Variants in MYO5B observed in about 807,000 individuals in gnomAD.
MYO5B encodes unconventional myosin-Vb.
In MYO5B, 143 loss-of-function variants were observed where a neutral mutation model predicts 229.3. The ratio of observed to expected loss-of-function variants is 0.62; its 90% CI spans 0.54 to 0.72. The LOEUF (loss-of-function observed/expected upper bound fraction) is 0.72, where lower values mean the gene tolerates loss of function less well. MYO5B is among the 30% of genes least tolerant of loss of function. MYO5B has a pLI of 0.00. For synonymous variants in MYO5B, 918 were observed against 885.2 expected (o/e 1.04, Z -0.66); for missense variants, 2,321 against 2,331.0 (o/e 1.00, Z 0.09).
At chr18:50,162,922 C>T (rs11082806) in intron 1 of MYO5B, among the ~76,000 whole-genome samples, 1 of 152,118 alleles carries the variant, frequency 6.6e-6, no homozygotes, top group Admixed American at 6.5e-5. Flanking sequence ...CCAAGCTACT[C>T]GGAGCCACAC....
At chr18:50,109,775 A>C (rs1183661187) in intron 1 of MYO5B, among the ~76,000 whole-genome samples, 4 of 152,176 alleles carry the variant, frequency 2.6e-5, no homozygotes, top group Non-Finnish European at 5.9e-5. Flanking sequence ...AGGCACCCTC[A>C]TCCGGCCAAC....
chr18:50,022,596 G>T (rs1423014373), intron 4 of MYO5B, among the ~76,000 whole-genome samples: 3 of 152,162 alleles, frequency 2.0e-5, no homozygotes, highest in Non-Finnish European at 2.9e-5. Flanking sequence ...CATGATAATT[G>T]TCTTGAAATC....
At chr18:49,935,430 T>A (rs1568037146) in intron 16 of MYO5B, among the ~76,000 whole-genome samples, 1 of 107,306 alleles carries the variant, frequency 9.3e-6, no homozygotes, top group Non-Finnish European at 2.2e-5. Context: ...CACAGCAGGT[T>A]AGAGAGAACT....
intron 4 of MYO5B, among the ~76,000 whole-genome samples, chr18:50,025,891 T>G (rs796112280): frequency 2.0e-5 from 3 of 152,206 alleles, no homozygotes; most frequent in Non-Finnish European, 2.9e-5. Flanking sequence ...ACTTTTGACA[T>G]GCATCCCTAT....
chr18:49,840,546 C>T (rs1042583841), intron 35 of MYO5B: 11 of 152,206 alleles, frequency 7.2e-5, no homozygotes, highest in African/African-American at 2.4e-4. Flanking sequence ...TTGGTTTACA[C>T]TATGTCTTGA....
At chr18:50,042,521 C>A (rs2030050629) in intron 2 of MYO5B, among the ~76,000 whole-genome samples, 1 of 152,028 alleles carries the variant, frequency 6.6e-6, no homozygotes, top group Non-Finnish European at 1.5e-5. Flanking sequence ...TACAGGAAAC[C>A]AGTGAACAAT....
intron 1 of MYO5B, among the ~76,000 whole-genome samples, chr18:50,137,198 A>G (rs2032349906): frequency 6.6e-6 from 1 of 152,242 alleles, no homozygotes. Flanking sequence ...AGACCTGCAT[A>G]CCAACGAGGC....
intron 8 of MYO5B, among the ~76,000 whole-genome samples, chr18:49,984,018 G>A (rs775802600): frequency 7.9e-5 from 12 of 152,216 alleles, no homozygotes; most frequent in Non-Finnish European, 1.0e-4. Context: ...GCCACTTGGG[G>A]TTTCAGGCTG....
At position 49,982,088 on chromosome 18, in the gene MYO5B, A is replaced by AT. The variant is rs1249628626; in HGVS notation, c.947-1536dup. 2.0e-5 allele frequency among the ~76,000 whole-genome samples: 3 copies of AT among 152,074 alleles called. No individual in the cohort carries two copies. The South Asian group carries it at 6.2e-4, about 32-fold the overall frequency. ...AGTAGCTTTTCTACTTCGTTTATCT[A>AT]TTTTTTTGAGAGAGGGTCTTGCTCT... On this transcript the variant is annotated intron_variant, in intron 8 of 39. Transcript: ENST00000285039.
intron 8 of MYO5B, among the ~76,000 whole-genome samples, chr18:49,983,169 A>C (rs1319563762): frequency 1.3e-5 from 2 of 152,156 alleles, no homozygotes; most frequent in Non-Finnish European, 2.9e-5. Context: ...TATCAAACTG[A>C]AGCTGGGCCC....
At chr18:49,944,041 A>C (rs2025344628) in intron 14 of MYO5B, among the ~76,000 whole-genome samples, 1 of 152,198 alleles carries the variant, frequency 6.6e-6, no homozygotes, top group African/African-American at 2.4e-5. Flanking sequence ...AGGAAGCAAG[A>C]GGGACTAGCT....
At chr18:50,062,052 C>T (rs1350697568) in intron 1 of MYO5B, among the ~76,000 whole-genome samples, 1 of 152,130 alleles carries the variant, frequency 6.6e-6, no homozygotes, top group African/African-American at 2.4e-5. Context: ...ATCTCAGTCT[C>T]TAAGTCCTCC....
chr18:49,982,970 C>A (rs2025832350), intron 8 of MYO5B, among the ~76,000 whole-genome samples: 1 of 152,332 alleles, frequency 6.6e-6, no homozygotes, highest in South Asian at 2.1e-4. Flanking sequence ...ATCAGCACTA[C>A]AAGGGCAGCT....
chr18:50,194,719 G>A (rs1181011374), intron 1 of MYO5B, 48 bp downstream of exon 1: 3 of 1,367,146 alleles, frequency 2.2e-6, no homozygotes, highest in Non-Finnish European at 3.0e-6. Flanking sequence ...AGGTGGCCCC[G>A]AGCGCGCCAC....
intron 7 of MYO5B, among the ~76,000 whole-genome samples, chr18:49,990,131 T>A (rs1301517150): frequency 2.0e-5 from 3 of 152,236 alleles, no homozygotes; most frequent in Non-Finnish European, 4.4e-5. Flanking sequence ...ACATTTCCTA[T>A]GATGCTTAAA....
At chr18:50,194,550 C>T (rs1293571318) in intron 1 of MYO5B, among the ~76,000 whole-genome samples, 4 of 152,188 alleles carry the variant, frequency 2.6e-5, no homozygotes, top group Non-Finnish European at 5.9e-5. Flanking sequence ...CTCTAGGAGC[C>T]GGGTGGCCGG....
intron 30 of MYO5B, 123 bp from the exon 31 acceptor site, chr18:49,853,770 A>T (rs2024229686): frequency 3.5e-6 from 3 of 865,646 alleles, no homozygotes; most frequent in Non-Finnish European, 3.7e-6. Context: ...CACATCCCCC[A>T]GAGGGATGAA....
chr18:50,175,100 C>T (rs1330118522), intron 1 of MYO5B, among the ~76,000 whole-genome samples: 1 of 152,242 alleles, frequency 6.6e-6, no homozygotes. Context: ...CACCCAGCCT[C>T]TCAGGGAATC....
rs528338849 is a variant in MYO5B, at chr18:49,939,623, A to G, written c.1753-2226T>C. ...AAGGAACCTACCGGAATCCTGCTCC[A>G]ACCTCTGTTCCCTCCACCACCAAGC... On this transcript the variant is annotated intron_variant, in intron 14 of 39. Transcript: ENST00000285039. Among the ~76,000 whole-genome samples, 3 of 152,324 alleles carry G rather than the reference A, an allele frequency of 2.0e-5. No individual in the cohort carries two copies. The East Asian group carries it at 5.8e-4, about 29-fold the overall frequency.
Sources: allele counts gnomAD v4.1 joint callset (sites outside exome capture counted in the v4.1 genomes callset), GRCh38; gene constraint gnomAD v4.1.1; transcripts MANE v1.5; gene names NCBI Gene and HGNC (gene_info 2026-07-23, HGNC 2026-07-21).